The following RIMS2 variants were observed in gnomAD, a reference collection of about 807,000 sequenced individuals.
RIMS2 encodes the protein regulating synaptic membrane exocytosis protein 2.
In RIMS2, 59 loss-of-function variants were observed where a neutral mutation model predicts 174.4. The observed-to-expected ratio is 0.34, with a 90% CI of 0.27 to 0.42. RIMS2 has a LOEUF of 0.42. Ranked by LOEUF, RIMS2 falls within the 10% of genes least tolerant of loss-of-function variation. The probability of loss-of-function intolerance (pLI) is 1.00; values close to 1 mark genes in which losing one functional copy is unlikely to be tolerated. For synonymous variants in RIMS2, 606 were observed against 572.5 expected, an observed-to-expected ratio of 1.06 and a Z score of -0.84; for missense variants, 1,620 against 1,666.3, an observed-to-expected ratio of 0.97 and a Z score of 0.48.
chr8:103,585,610 T>A (rs1208837189), intron 1 of RIMS2, among the ~76,000 whole-genome samples: 1 of 152,042 alleles, frequency 6.6e-6, no homozygotes, highest in African/African-American at 2.4e-5. Flanking sequence ...GAAACCACCA[T>A]TCTCAGCAAA....
At chr8:103,788,086 T>C (rs373980991) in intron 3 of RIMS2, among the ~76,000 whole-genome samples, 1 of 150,648 alleles carries the variant, frequency 6.6e-6, no homozygotes, top group African/African-American at 2.5e-5. Context: ...TTCTGCATTC[T>C]TCACGTAGTT....
intron 2 of RIMS2, among the ~76,000 whole-genome samples, chr8:103,713,312 C>G (rs1412326317): frequency 6.6e-6 from 1 of 152,186 alleles, no homozygotes. Context: ...AGCCACCATG[C>G]CCGGCCTAAT....
At chr8:104,004,511 A>C (rs1342961935) in intron 17 of RIMS2, among the ~76,000 whole-genome samples, 1 of 151,958 alleles carries the variant, frequency 6.6e-6, no homozygotes, top group African/African-American at 2.4e-5. Flanking sequence ...AAGGATGGTG[A>C]GGGGGGAAAA....
At chr8:103,915,369 T>G (rs1480619946) in intron 6 of RIMS2, 126 bp from the exon 10 acceptor site, 3 of 490,928 alleles carry the variant, frequency 6.1e-6, no homozygotes, top group Non-Finnish European at 7.3e-6. Flanking sequence ...ATTTAAGAAA[T>G]CATTTTCTGT....
intron 1 of RIMS2, among the ~76,000 whole-genome samples, chr8:103,503,489 A>C (rs2130828378): frequency 6.6e-6 from 1 of 152,066 alleles, no homozygotes; most frequent in African/African-American, 2.4e-5. Context: ...TTTCCCATGA[A>C]GTTTTAGGGT....
intron 19 of RIMS2, among the ~76,000 whole-genome samples, chr8:104,129,591 T>G (rs2098458568): frequency 6.6e-6 from 1 of 152,114 alleles, no homozygotes; most frequent in African/African-American, 2.4e-5. Flanking sequence ...CAAAAATGGG[T>G]TCATCATCAG....
chr8:104,077,546 G>C (rs1479375496), intron 19 of RIMS2, among the ~76,000 whole-genome samples: 1 of 150,806 alleles, frequency 6.6e-6, no homozygotes, highest in Non-Finnish European at 1.5e-5. Context: ...CAAGCTGATT[G>C]TATTTAAATT....
At position 103,992,274 on chromosome 8, in the gene RIMS2, A is replaced by AATTTTTT. The variant is rs1565726059; in HGVS notation, c.3044+2853_3044+2854insATTTTTT. On this transcript the variant is annotated intron_variant, in intron 17 of 23. Coordinates refer to ENST00000504942, the Ensembl canonical transcript of RIMS2. ...CAGGCATGTGCCACCATGTCCAGCTATTTTTTTTTTTTTTTTTTTTTTTGT... is the reference window on the plus strand; with the variant it reads ...CAGGCATGTGCCACCATGTCCAGCTAATTTTTTTTTTTTTTTTTTTTTTTTTTTTTGT... Among the ~76,000 whole-genome samples the AATTTTTT allele has an allele frequency of 5.6e-5, 6 of 107,104 alleles. 1 individual carries two copies. Among genetic ancestry groups the AATTTTTT allele is most frequent in the Non-Finnish European group, 7.1e-5 (4 of 56,096 alleles). The allele number at this position is 107,104 out of a possible 152,430, so 70.3% of individuals were successfully genotyped here.
At chr8:103,546,444 A>G (rs1168646479) in intron 1 of RIMS2, among the ~76,000 whole-genome samples, 1 of 152,184 alleles carries the variant, frequency 6.6e-6, no homozygotes, top group Non-Finnish European at 1.5e-5. Context: ...GAGACTTCAA[A>G]ACCCCATGGA....
chr8:103,898,513 T>C (rs770267018), intron 4 of RIMS2, among the ~76,000 whole-genome samples: 1 of 151,594 alleles, frequency 6.6e-6, no homozygotes, highest in Non-Finnish European at 1.5e-5. Context: ...TACTACTTGA[T>C]TGAGTTTATA....
chr8:103,632,969 G>A (rs1312228548), intron 1 of RIMS2, among the ~76,000 whole-genome samples: 1 of 150,778 alleles, frequency 6.6e-6, no homozygotes, highest in Non-Finnish European at 1.5e-5. Flanking sequence ...TCCTGACCCT[G>A]TGATCCGCCC....
intron 1 of RIMS2, among the ~76,000 whole-genome samples, chr8:103,572,360 G>T (rs1289718443): frequency 1.9e-5 from 2 of 106,714 alleles, no homozygotes; most frequent in East Asian, 3.9e-4. Flanking sequence ...CTTGCCGATT[G>T]GTCCATTTTA....
At chr8:104,214,562 C>T (rs568888485) in intron 19 of RIMS2, among the ~76,000 whole-genome samples, 91 of 152,240 alleles carry the variant, frequency 6.0e-4, no homozygotes, top group Non-Finnish European at 1.1e-3. Flanking sequence ...ATTCTCCTGC[C>T]TCAGCCTCCC....
At chr8:103,792,497 T>C (rs760350874) in intron 3 of RIMS2, among the ~76,000 whole-genome samples, 68 of 151,660 alleles carry the variant, frequency 4.5e-4, no homozygotes, top group Middle Eastern at 3.2e-3. Context: ...CACCCTAACA[T>C]CACAACTAAA....
intron 3 of RIMS2, among the ~76,000 whole-genome samples, chr8:103,816,381 T>G (rs117594689): frequency 0.022 from 3,400 of 152,302 alleles, 60 homozygotes; most frequent in Middle Eastern, 0.065. Context: ...ATCCATTTAT[T>G]CAACAAATGT....
intron 15 of RIMS2, among the ~76,000 whole-genome samples, chr8:103,974,099 G>T (rs1441882436): frequency 6.6e-6 from 1 of 152,152 alleles, no homozygotes; most frequent in Admixed American, 6.6e-5. Flanking sequence ...ATCAGACTGA[G>T]AATACATCAT....
At chr8:104,071,864 G>A (rs1222486798) in intron 19 of RIMS2, among the ~76,000 whole-genome samples, 1 of 152,118 alleles carries the variant, frequency 6.6e-6, no homozygotes, top group Non-Finnish European at 1.5e-5. Flanking sequence ...CCTCAATTAG[G>A]GTTTCAACTA....
chr8:104,194,462 T>C (rs1332693482), intron 19 of RIMS2, among the ~76,000 whole-genome samples: 1 of 152,194 alleles, frequency 6.6e-6, no homozygotes, highest in African/African-American at 2.4e-5. Flanking sequence ...TTTTGAGCTA[T>C]ACTACATATA....
chr8:104,023,565 T>A (rs1023873245), intron 19 of RIMS2, among the ~76,000 whole-genome samples: 6 of 152,314 alleles, frequency 3.9e-5, no homozygotes, highest in African/African-American at 1.4e-4. Context: ...GAGTTTCTAT[T>A]AACTAATACA....
Sources: gnomAD v4.1 joint callset for allele counts (sites outside exome capture counted in the v4.1 genomes callset) on GRCh38, gnomAD v4.1.1 for gene constraint, MANE v1.5 for transcripts, NCBI Gene and HGNC (gene_info 2026-07-23, HGNC 2026-07-21) for gene names.